DCC: variants seen among roughly 807,000 people sequenced by gnomAD.
The protein encoded by DCC is netrin receptor DCC.
DCC carries 58 observed loss-of-function variants against 172.5 expected under a neutral mutation model. The ratio of observed to expected loss-of-function variants is 0.34; its 90% CI spans 0.27 to 0.42. The LOEUF is 0.42. Ranked by LOEUF, DCC falls within the 10% of genes least tolerant of loss-of-function variation. DCC has a pLI of 1.00. For synonymous variants in DCC, 709 were observed against 644.5 expected (o/e 1.10, Z -1.52); for missense variants, 1,740 against 1,791.0 (o/e 0.97, Z 0.51).
At chr18:53,178,109 C>A (rs1487180020) in intron 8 of DCC, among the ~76,000 whole-genome samples, 1 of 152,010 alleles carries the variant, frequency 6.6e-6, no homozygotes, top group African/African-American at 2.4e-5. Context: ...TCACTCAGTT[C>A]AATCAGCTAT....
intron 2 of DCC, among the ~76,000 whole-genome samples, chr18:52,802,176 G>T (rs1598817019): frequency 6.6e-6 from 1 of 152,072 alleles, no homozygotes; most frequent in African/African-American, 2.4e-5. Context: ...TTTACTTCAA[G>T]ATAGTCAAAT....
chr18:53,309,958 G>A lies in DCC; in HGVS notation c.2053+4239G>A, dbSNP rs74890805. Among the ~76,000 whole-genome samples the A allele has an allele frequency of 3.0e-3, 187 of 61,830 alleles. 2 individuals are homozygous for A. The South Asian group carries it at 0.036, about 12-fold the overall frequency. 40.6% of individuals were successfully genotyped at this position (61,830 alleles called of 152,430 possible). On this transcript the variant is annotated intron_variant, in intron 13 of 28. Coordinates refer to ENST00000442544, the MANE Select transcript of DCC (RefSeq NM_005215.4). ...TATATATATATACATGTATATATAC[G>A]TGTGTGTATATATATATATATATAC...
intron 12 of DCC, among the ~76,000 whole-genome samples, chr18:53,248,798 C>T (rs1354836969): frequency 6.6e-6 from 1 of 152,046 alleles, no homozygotes. Context: ...CATCTATTCC[C>T]TTATTATCCC....
chr18:52,570,689 T>A (rs2033272583), intron 1 of DCC, among the ~76,000 whole-genome samples: 1 of 152,232 alleles, frequency 6.6e-6, no homozygotes, highest in Non-Finnish European at 1.5e-5. Context: ...AGCAGCAGTT[T>A]GGTCTCATGA....
intron 1 of DCC, among the ~76,000 whole-genome samples, chr18:52,691,231 G>A (rs2035925707): frequency 6.6e-6 from 1 of 152,054 alleles, no homozygotes. Context: ...GTGGGATGGG[G>A]AGATTCAAGC....
chr18:53,413,868 G>T (rs923381741), intron 20 of DCC, among the ~76,000 whole-genome samples: 2 of 152,072 alleles, frequency 1.3e-5, no homozygotes, highest in African/African-American at 4.8e-5. Flanking sequence ...TCTTGTCAAG[G>T]ATCAGGTCAT....
At chr18:53,194,359 G>C (rs1366314453) in intron 9 of DCC, among the ~76,000 whole-genome samples, 1 of 152,066 alleles carries the variant, frequency 6.6e-6, no homozygotes, top group East Asian at 1.9e-4. Context: ...AGGTTAAAAG[G>C]CTCCATTTAT....
At chr18:52,471,560 AT>A (rs1196266434) in intron 1 of DCC, among the ~76,000 whole-genome samples, 8 of 152,342 alleles carry the variant, frequency 5.3e-5, no homozygotes, top group African/African-American at 1.9e-4. Flanking sequence ...TAAGAAACTT[AT>A]TTCAGCAGCA....
At chr18:53,049,442 G>T (rs1194697886) in intron 5 of DCC, among the ~76,000 whole-genome samples, 1 of 152,046 alleles carries the variant, frequency 6.6e-6, no homozygotes, top group Non-Finnish European at 1.5e-5. Flanking sequence ...TAAATAGGGA[G>T]TCTTTTCCCC....
chr18:53,067,435 T>A (rs895975881), intron 7 of DCC, among the ~76,000 whole-genome samples: 2 of 152,032 alleles, frequency 1.3e-5, no homozygotes, highest in African/African-American at 4.8e-5. Flanking sequence ...AGCAGAACAA[T>A]CGTTTGAGCC....
At chr18:53,178,689 G>T (rs2055146726) in intron 8 of DCC, among the ~76,000 whole-genome samples, 1 of 152,088 alleles carries the variant, frequency 6.6e-6, no homozygotes, top group South Asian at 2.1e-4. Flanking sequence ...ATTCCAAATT[G>T]TAAAGTGTCG....
At chr18:52,995,302 C>G (rs1490055064) in intron 5 of DCC, among the ~76,000 whole-genome samples, 2 of 152,056 alleles carry the variant, frequency 1.3e-5, no homozygotes, top group Admixed American at 6.6e-5. Context: ...AAGGTTAAGT[C>G]AGCAGATTTA....
chr18:52,881,180 T>G (rs1042546044), intron 2 of DCC, among the ~76,000 whole-genome samples: 3 of 152,166 alleles, frequency 2.0e-5, no homozygotes, highest in African/African-American at 7.2e-5. Flanking sequence ...TATTCAAATC[T>G]TTTGACCATT....
chr18:53,219,715 A>G (rs976105486), intron 12 of DCC, among the ~76,000 whole-genome samples: 2 of 152,246 alleles, frequency 1.3e-5, no homozygotes, highest in South Asian at 2.1e-4. Flanking sequence ...GTGCCTTCCT[A>G]CGTCTTAAAG....
intron 1 of DCC, among the ~76,000 whole-genome samples, chr18:52,722,723 G>A (rs2036491656): frequency 6.6e-6 from 1 of 152,012 alleles, no homozygotes; most frequent in Non-Finnish European, 1.5e-5. Context: ...CACCTGGATG[G>A]GTTGGCTGCT....
intron 2 of DCC, among the ~76,000 whole-genome samples, chr18:52,773,640 C>T (rs192516684): frequency 2.6e-4 from 39 of 152,226 alleles, no homozygotes; most frequent in Admixed American, 2.2e-3. Flanking sequence ...AATTCTCCTG[C>T]GTCAGCCTCC....
chr18:53,125,768 A>C (rs181363073), intron 7 of DCC, among the ~76,000 whole-genome samples: 9 of 152,242 alleles, frequency 5.9e-5, no homozygotes, highest in Non-Finnish European at 7.4e-5. Flanking sequence ...GTACACACAG[A>C]CACAGTGCTT....
intron 3 of DCC, among the ~76,000 whole-genome samples, chr18:52,919,127 C>G (rs993569132): frequency 2.6e-5 from 4 of 152,152 alleles, no homozygotes; most frequent in Non-Finnish European, 5.9e-5. Flanking sequence ...GACTTTCTGT[C>G]TTCCATTTGG....
chr18:52,547,191 G>A (rs1330803497), intron 1 of DCC, among the ~76,000 whole-genome samples: 2 of 152,116 alleles, frequency 1.3e-5, no homozygotes, highest in Non-Finnish European at 2.9e-5. Flanking sequence ...CCAATTGCAG[G>A]CACAAACTGA....
Sources: allele counts gnomAD v4.1 joint callset (sites outside exome capture counted in the v4.1 genomes callset), GRCh38; gene constraint gnomAD v4.1.1; transcripts MANE v1.5; gene names NCBI Gene and HGNC (gene_info 2026-07-23, HGNC 2026-07-21).